SH3RF3: variants seen among roughly 807,000 people sequenced by gnomAD.
SH3RF3 encodes E3 ubiquitin-protein ligase SH3RF3.
Under a neutral mutation model 66.3 loss-of-function variants are expected in SH3RF3, and 29 were observed. That is an observed-to-expected ratio of 0.44 (90% CI 0.33 to 0.60). SH3RF3 has a LOEUF of 0.60. Ranked by LOEUF, SH3RF3 falls within the 20% of genes least tolerant of loss-of-function variation. SH3RF3 has a pLI of 0.04. For missense variants in SH3RF3, 1,194 were observed against 1,190.9 expected (o/e 1.00, Z -0.04); for synonymous variants, 583 against 532.0 (o/e 1.10, Z -1.32).
intron 3 of SH3RF3, 25 bp from the exon 4 acceptor site, chr2:109,398,565 C>T (rs1291408916): frequency 2.0e-6 from 3 of 1,521,522 alleles, no homozygotes; most frequent in Non-Finnish European, 2.6e-6. Context: ...TTAATGCAGC[C>T]TCCCCTCTCC....
intron 2 of SH3RF3, among the ~76,000 whole-genome samples, chr2:109,365,239 A>G (rs1683132837): frequency 6.6e-6 from 1 of 152,126 alleles, no homozygotes; most frequent in Non-Finnish European, 1.5e-5. Context: ...GACTTAGTGG[A>G]GCTGCTCCTT....
chr2:109,287,614 G>A (rs1190849518), intron 1 of SH3RF3, among the ~76,000 whole-genome samples: 1 of 152,158 alleles, frequency 6.6e-6, no homozygotes, highest in African/African-American at 2.4e-5. Context: ...GCAGGTGGTT[G>A]GATTTGTCCA....
chr2:109,472,669 A>T (rs1678556037), intron 8 of SH3RF3, among the ~76,000 whole-genome samples: 1 of 152,206 alleles, frequency 6.6e-6, no homozygotes, highest in African/African-American at 2.4e-5. Flanking sequence ...TAGTGTGTTT[A>T]ATTTTTCCTG....
chr2:109,500,465 A>G (rs763813905), intron 9 of SH3RF3, among the ~76,000 whole-genome samples: 2 of 152,128 alleles, frequency 1.3e-5, no homozygotes, highest in African/African-American at 4.8e-5. Flanking sequence ...CCTGTCTCTG[A>G]TTCCACACTA....
At chr2:109,159,826 G>A (rs115739507) in intron 1 of SH3RF3, among the ~76,000 whole-genome samples, 6 of 152,312 alleles carry the variant, frequency 3.9e-5, no homozygotes, top group Non-Finnish European at 7.3e-5. Context: ...AGAATCTAAC[G>A]CCTCATGATC....
At chr2:109,410,550 G>T (rs555392480) in intron 4 of SH3RF3, among the ~76,000 whole-genome samples, 8 of 152,318 alleles carry the variant, frequency 5.3e-5, no homozygotes, top group Non-Finnish European at 1.2e-4. Context: ...GCACTACTGG[G>T]CTCATGTGAA....
chr2:109,415,716 C>T (rs1001788528), intron 4 of SH3RF3, among the ~76,000 whole-genome samples: 1 of 152,158 alleles, frequency 6.6e-6, no homozygotes, highest in African/African-American at 2.4e-5. Flanking sequence ...GGGGATACTG[C>T]CCCCTTTGCC....
At chr2:109,142,047 G>GA (rs1330271934) in intron 1 of SH3RF3, among the ~76,000 whole-genome samples, 5 of 151,270 alleles carry the variant, frequency 3.3e-5, no homozygotes, top group South Asian at 4.2e-4. Context: ...GTCTCCTGGG[G>GA]GGGGGGTCTC....
At chr2:109,325,481 C>T (rs1320568958) in intron 1 of SH3RF3, among the ~76,000 whole-genome samples, 3 of 151,804 alleles carry the variant, frequency 2.0e-5, no homozygotes, top group Admixed American at 1.3e-4. Context: ...GATGGGACTA[C>T]AGGCATGTGC....
In SH3RF3 at chr2:109,249,402, T is replaced by A. The variant is rs1680002248; in HGVS notation, c.574-98272T>A. Among the ~76,000 whole-genome samples the A allele has an allele frequency of 2.0e-5, 3 of 152,162 alleles. No homozygotes were observed. In the South Asian group the frequency reaches 6.2e-4, roughly 32 times the overall value. On this transcript the variant is annotated intron_variant, in intron 1 of 9. Transcript: ENST00000309415. ...CATGAGGAAACCAAAGCTCAGAGGA[T>A]CTGGAGAATTGTTGAGCAAGGAACC...
chr2:109,242,950 C>T (rs1357843354), intron 1 of SH3RF3, among the ~76,000 whole-genome samples: 1 of 152,228 alleles, frequency 6.6e-6, no homozygotes, highest in Non-Finnish European at 1.5e-5. Flanking sequence ...GACTCTTGTC[C>T]TCTGTGTGAG....
intron 1 of SH3RF3, among the ~76,000 whole-genome samples, chr2:109,334,596 A>G (rs1445559248): frequency 6.6e-6 from 1 of 152,138 alleles, no homozygotes; most frequent in East Asian, 1.9e-4. Flanking sequence ...AGGCAGCCAC[A>G]GTGTCCACTG....
At chr2:109,254,832 C>T (rs746137428) in intron 1 of SH3RF3, among the ~76,000 whole-genome samples, 8 of 151,806 alleles carry the variant, frequency 5.3e-5, no homozygotes, top group Non-Finnish European at 1.0e-4. Flanking sequence ...GGCACTGCCT[C>T]GCCAGGGCAG....
chr2:109,241,438 A>T (rs1287377238), intron 1 of SH3RF3, among the ~76,000 whole-genome samples: 1 of 152,214 alleles, frequency 6.6e-6, no homozygotes, highest in Admixed American at 6.5e-5. Context: ...GCTGGAAGAA[A>T]TACTTTAGGA....
intron 5 of SH3RF3, among the ~76,000 whole-genome samples, chr2:109,422,399 G>A (rs1676906114): frequency 6.6e-6 from 1 of 152,212 alleles, no homozygotes. Flanking sequence ...GAGATTAAGA[G>A]GCCTAATCCT....
intron 1 of SH3RF3, among the ~76,000 whole-genome samples, chr2:109,145,970 G>A: frequency 6.6e-6 from 1 of 152,130 alleles, no homozygotes. Flanking sequence ...GTACCCCTGA[G>A]CAAGTCAAGG....
chr2:109,455,930 G>T (rs1213934222), intron 8 of SH3RF3, among the ~76,000 whole-genome samples: 1 of 152,218 alleles, frequency 6.6e-6, no homozygotes, highest in Non-Finnish European at 1.5e-5. Flanking sequence ...GGTAGAAGGG[G>T]CTGGATCTGA....
rs531597679 is a variant in SH3RF3, at chr2:109,395,925, C to T, written c.946-2665C>T. Among the ~76,000 whole-genome samples the T allele has an allele frequency of 4.6e-5, 7 of 152,318 alleles. No homozygotes were observed. In the South Asian group the frequency reaches 1.4e-3, roughly 32 times the overall value. On this transcript the variant is annotated intron_variant, in intron 3 of 9. Transcript: ENST00000309415. ...CCAACTCAAAAGGGTCACAGGAGGA[C>T]TAAGTGAAACACTCCAGGCCTGTTC...
intron 1 of SH3RF3, among the ~76,000 whole-genome samples, chr2:109,233,507 G>A (rs979624268): frequency 1.2e-4 from 19 of 152,216 alleles, no homozygotes; most frequent in African/African-American, 4.3e-4. Flanking sequence ...CAGGATGGGG[G>A]TGTGGTGGGC....
Sources: allele counts gnomAD v4.1 joint callset (sites outside exome capture counted in the v4.1 genomes callset), GRCh38; gene constraint gnomAD v4.1.1; transcripts MANE v1.5; gene names NCBI Gene and HGNC (gene_info 2026-07-23, HGNC 2026-07-21).